The following BSDC1 variants were observed in gnomAD, a reference collection of about 807,000 sequenced individuals.
The protein encoded by BSDC1 is BSD domain-containing protein 1.
Under a neutral mutation model 56.0 loss-of-function variants are expected in BSDC1, and 29 were observed. The observed-to-expected ratio is 0.52, with a 90% CI of 0.39 to 0.71. The LOEUF (loss-of-function observed/expected upper bound fraction) is 0.71, where lower values mean the gene tolerates loss of function less well. Among genes scored for constraint, BSDC1 ranks in the 30% least tolerant of loss-of-function variants. The pLI, the probability that BSDC1 is intolerant of heterozygous loss-of-function variation, is 0.00. For synonymous variants in BSDC1, 210 were observed against 215.3 expected, an observed-to-expected ratio of 0.98 and a Z score of 0.21; for missense variants, 477 against 548.5, an observed-to-expected ratio of 0.87 and a Z score of 1.30.
At chr1:32,393,982 C>CT in intron 2 of BSDC1, 98 bp downstream of exon 2, 1 of 1,292,510 alleles carries the variant, frequency 7.7e-7, no homozygotes, top group Non-Finnish European at 1.1e-6. Context: ...ATCCTTGAGA[C>CT]TTAGCGCCCG....
intron 5 of BSDC1, 86 bp downstream of exon 5, chr1:32,381,128 T>C: frequency 5.0e-6 from 7 of 1,401,066 alleles, no homozygotes; most frequent in Non-Finnish European, 6.0e-6. Flanking sequence ...GCCCGGCCTC[T>C]GCTACCTGAG....
intron 10 of BSDC1, 90 bp downstream of exon 10, chr1:32,368,357 C>T (rs1339852875): frequency 6.2e-7 from 1 of 1,614,144 alleles, no homozygotes; most frequent in South Asian, 1.1e-5. Context: ...AGCAGGGACC[C>T]TCCTGAGGGG....
chr1:32,368,637 C>T, intron 9 of BSDC1, 87 bp from the exon 10 acceptor site: 1 of 1,562,354 alleles, frequency 6.4e-7, no homozygotes, highest in South Asian at 1.2e-5. Context: ...TAGCATGCTT[C>T]AAAAGGGTCT....
Position 32,376,512 on chromosome 1 carries a change from G to A in BSDC1, c.906C>T (p.Pro302=). The A allele has an allele frequency of 6.3e-7, 1 of 1,597,320 alleles. No homozygotes were observed. Among genetic ancestry groups the A allele is most frequent in the Non-Finnish European group, 8.6e-7 (1 of 1,168,444 alleles). The change falls in exon 9 of 11, where the codon CCC becomes CCT. Residue 302 remains proline, a synonymous_variant. Coordinates refer to ENST00000455895, the MANE Select transcript of BSDC1 (RefSeq NM_018045.8). ...PATAPEARVL[P]KDLSQKLLEA... Reference sequence around the variant, plus strand: ...CTAGCAGCTTTTGGGACAGGTCCTTGGGTAGCACTCGTGCCTCAGGTGCAG... The same window carrying A: ...CTAGCAGCTTTTGGGACAGGTCCTTAGGTAGCACTCGTGCCTCAGGTGCAG...
chr1:32,381,937 T>C (rs899242191), intron 4 of BSDC1, among the ~76,000 whole-genome samples: 1 of 152,150 alleles, frequency 6.6e-6, no homozygotes, highest in African/African-American at 2.4e-5. Context: ...GAACAAAAGT[T>C]CAATGTGGGC....
rs1641782392 is a variant in BSDC1, at chr1:32,364,688, T to A, written c.*1934A>T. Among the ~76,000 whole-genome samples, 5 of 152,344 alleles carry A rather than the reference T, an allele frequency of 3.3e-5. No homozygotes were observed. The South Asian group carries it at 8.3e-4, about 25-fold the overall frequency. ...TCCTGACCTTAGTGATCCACCCACCTTGGCCTCCCAAAATGTTGGGATTAC... is the reference window on the plus strand; with the variant it reads ...TCCTGACCTTAGTGATCCACCCACCATGGCCTCCCAAAATGTTGGGATTAC... On this transcript the variant is annotated 3_prime_UTR_variant, in exon 11 of 11. Transcript: ENST00000455895.
intron 10 of BSDC1, 144 bp downstream of exon 10, chr1:32,368,303 A>C (rs1641925866): frequency 6.3e-7 from 1 of 1,598,774 alleles, no homozygotes. Flanking sequence ...GGGTCTGAGC[A>C]GGAAGCTCCA....
intron 2 of BSDC1, among the ~76,000 whole-genome samples, chr1:32,390,588 G>T: frequency 6.6e-6 from 1 of 152,154 alleles, no homozygotes; most frequent in East Asian, 1.9e-4. Context: ...GGGCTGTCTA[G>T]GATAGCTGTC....
intron 9 of BSDC1, among the ~76,000 whole-genome samples, chr1:32,375,497 GCTGA>G (rs1462256495): frequency 6.6e-6 from 1 of 152,150 alleles, no homozygotes; most frequent in Admixed American, 6.5e-5. Flanking sequence ...TGGCAAAAAG[GCTGA>G]CTGACACCAA....
At chr1:32,394,347 AC>A in intron 1 of BSDC1, 56 bp downstream of exon 1, 1 of 1,613,462 alleles carries the variant, frequency 6.2e-7, no homozygotes, top group Non-Finnish European at 8.5e-7. Context: ...CTCGCCCAGC[AC>A]CCCAACCCTG....
At chr1:32,390,516 G>A (rs1177572195) in intron 2 of BSDC1, among the ~76,000 whole-genome samples, 1 of 152,194 alleles carries the variant, frequency 6.6e-6, no homozygotes, top group Non-Finnish European at 1.5e-5. Flanking sequence ...CCTGGAGGAG[G>A]AGCAGTCCTA....
chr1:32,380,017 G>C (rs1189079585), intron 5 of BSDC1, among the ~76,000 whole-genome samples: 1 of 152,152 alleles, frequency 6.6e-6, no homozygotes, highest in African/African-American at 2.4e-5. Flanking sequence ...GGCTTCAAAG[G>C]GTCAAAGAAT....
chr1:32,378,362 C>T lies in BSDC1; in HGVS notation c.529-79G>A. The T allele has an allele frequency of 7.1e-7, 1 of 1,405,752 alleles. No individual in the cohort carries two copies. Among genetic ancestry groups the T allele is most frequent in the Non-Finnish European group, 1.0e-6 (1 of 997,144 alleles). 87.1% of individuals were successfully genotyped at this position (1,405,752 alleles called of 1,614,324 possible). ...GTGTCCCCAGCCTTATCAGTCTATT[C>T]CCAGCCAGTCTGGATTTCAGACCCA... is the stretch of plus-strand genomic sequence containing the variant. On this transcript the variant is annotated intron_variant, in intron 6 of 10. Coordinates refer to ENST00000455895, the MANE Select transcript of BSDC1 (RefSeq NM_018045.8). The surrounding 1 kb of genome is among the most constrained non-coding windows in gnomAD (Gnocchi z 5.2).
intron 8 of BSDC1, among the ~76,000 whole-genome samples, chr1:32,377,364 T>C (rs895342541): frequency 3.9e-5 from 6 of 152,190 alleles, no homozygotes; most frequent in Admixed American, 6.5e-5. Flanking sequence ...AGGTGTATGA[T>C]TGGGCAAGCC....
Position 32,383,904 on chromosome 1 carries a change from T to C in BSDC1, c.283A>G (p.Lys95Glu). The change falls in exon 4 of 11, where the codon AAA (lysine) becomes GAA (glutamate). Residue 95 changes from lysine to glutamate, a missense_variant. By Grantham distance (56) the Lys-to-Glu change is moderately conservative. Transcript: ENST00000455895. The part of the protein sequence containing the change: ...ISDTFAPSPD[K>E]TIDCDVITLM... ...GTGATGACATCGCAGTCGATGGTTT[T>C]GTCTGGCGAAGGGGCAAAGGTGTCT... The C allele has an allele frequency of 2.5e-6, 4 of 1,612,588 alleles. 1 individual carries two copies. The South Asian group carries it at 4.4e-5, about 18-fold the overall frequency.
intron 9 of BSDC1, among the ~76,000 whole-genome samples, chr1:32,372,316 T>C (rs1338534323): frequency 2.0e-5 from 3 of 152,232 alleles, no homozygotes; most frequent in Non-Finnish European, 4.4e-5. Flanking sequence ...ACAGGCTTCC[T>C]GTGGGTTAGC....
intron 10 of BSDC1, 194 bp downstream of exon 10, chr1:32,368,253 G>C: frequency 6.6e-7 from 1 of 1,511,770 alleles, no homozygotes; most frequent in Non-Finnish European, 8.9e-7. Flanking sequence ...ATCCACCCTG[G>C]AACTGAGGAA....
chr1:32,376,250 CTCCAGACCTACCTTTCTT>C lies in BSDC1; in HGVS notation c.1150_1156+11del. The C allele has an allele frequency of 6.7e-7, 1 of 1,486,008 alleles. No homozygotes were observed. The highest frequency in any genetic ancestry group is 9.0e-7 in the Non-Finnish European group (1 of 1,108,628). The allele number at this position is 1,486,008 out of a possible 1,614,324, so 92.1% of individuals were successfully genotyped here. On this transcript the variant is annotated splice_donor_variant and splice_donor_5th_base_variant and coding_sequence_variant and intron_variant, in exon 9 of 11. Transcript: ENST00000455895. LOFTEE classifies it high-confidence loss of function. ...CGCACACAACCCTCTGGGCTTGGAC[CTCCAGACCTACCTTTCTT>C]TCCATTGTTGGAGGGTGTAGACTTC... is the stretch of plus-strand genomic sequence containing the variant.
chr1:32,389,018 G>C (rs867024736), intron 2 of BSDC1, among the ~76,000 whole-genome samples: 8 of 149,650 alleles, frequency 5.3e-5, no homozygotes. Context: ...GCAGTGGCGC[G>C]ATCTCTGCTC....
Sources: allele counts gnomAD v4.1 joint callset (sites outside exome capture counted in the v4.1 genomes callset), GRCh38; gene constraint gnomAD v4.1.1; non-coding constraint Gnocchi (gnomAD v3.1); transcripts MANE v1.5; gene names NCBI Gene and HGNC (gene_info 2026-07-23, HGNC 2026-07-21).